The following EDEM1 variants were observed in gnomAD, a reference collection of about 807,000 sequenced individuals.
EDEM1 encodes the protein ER degradation-enhancing alpha-mannosidase-like protein 1.
In EDEM1, 67 loss-of-function variants were observed where a neutral mutation model predicts 74.4. The ratio of observed to expected loss-of-function variants is 0.90; its 90% CI spans 0.74 to 1.10. The LOEUF is 1.10. Ranked by LOEUF, EDEM1 falls within the 50% of genes least tolerant of loss-of-function variation. EDEM1 has a pLI of 0.00. For synonymous variants in EDEM1, 382 were observed against 335.9 expected, an observed-to-expected ratio of 1.14 and a Z score of -1.50; for missense variants, 926 against 851.6, an observed-to-expected ratio of 1.09 and a Z score of -1.09.
chr3:5,188,327 C>A lies in EDEM1; in HGVS notation c.509+13C>A, dbSNP rs754265843. ...ACCGCGGGGACCCGTGAGTAGCCCC[C>A]GCCGCCCGGGGCCGCGCGCCCACGC... On this transcript the variant is annotated intron_variant, in intron 1 of 11. Coordinates refer to ENST00000256497, the MANE Select transcript of EDEM1 (RefSeq NM_014674.3). 33 of 1,446,960 alleles carry A rather than the reference C, an allele frequency of 2.3e-5. No homozygotes were observed. The highest frequency in any genetic ancestry group is 2.9e-5 in the Non-Finnish European group (32 of 1,095,772). The allele number at this position is 1,446,960 out of a possible 1,614,324, so 89.6% of individuals were successfully genotyped here. A position where few individuals can be genotyped will look rare whatever the true frequency, so the allele number is the denominator to read the frequency against.
rs2055245595 is a variant in EDEM1, at chr3:5,217,037, ATTGGTTT to A, written c.*1121_*1127del. ...TACAGGCTTTAGATTAGTGCCTTAT[ATTGGTTT>A]TGGTTTGGGGCACTGGATGTCGCAG... On this transcript the variant is annotated 3_prime_UTR_variant, in exon 12 of 12. Transcript: ENST00000256497. 6.6e-6 allele frequency: 1 copy of A among 152,472 alleles called. No individual in the cohort carries two copies. Among genetic ancestry groups the A allele is most frequent in the African/African-American group, 2.4e-5 (1 of 41,388 alleles). 9.4% of individuals were successfully genotyped at this position (152,472 alleles called of 1,614,324 possible). A position where few individuals can be genotyped will look rare whatever the true frequency, so the allele number is the denominator to read the frequency against.
At chr3:5,196,082 C>T (rs1258614105) in intron 2 of EDEM1, among the ~76,000 whole-genome samples, 2 of 152,202 alleles carry the variant, frequency 1.3e-5, no homozygotes, top group Non-Finnish European at 1.5e-5. Context: ...TATCTTATTG[C>T]AGTCTAGCCC....
intron 11 of EDEM1, among the ~76,000 whole-genome samples, chr3:5,213,851 G>T (rs1370831530): frequency 1.3e-5 from 2 of 152,172 alleles, no homozygotes; most frequent in Non-Finnish European, 1.5e-5. Flanking sequence ...GAGGGAGCCG[G>T]CAGAGTCAAC....
intron 1 of EDEM1, among the ~76,000 whole-genome samples, chr3:5,188,736 C>T (rs984380742): frequency 4.1e-4 from 62 of 152,202 alleles, no homozygotes; most frequent in African/African-American, 1.3e-3. Context: ...CAGAACAAGC[C>T]TTTACCTCGC....
At chr3:5,189,888 C>T (rs563951527) in intron 1 of EDEM1, among the ~76,000 whole-genome samples, 3 of 152,292 alleles carry the variant, frequency 2.0e-5, no homozygotes, top group East Asian at 1.9e-4. Flanking sequence ...CGTGAGCCAC[C>T]GCTCCCGGCC....
chr3:5,195,833 C>T lies in EDEM1; in HGVS notation c.582+552C>T, dbSNP rs192164984. ...TACTGCCTCATCCTGTGGTTTTGCT[C>T]ATTGACTCTGGAGAACTAGAGGCCT... On this transcript the variant is annotated intron_variant, in intron 2 of 11. Coordinates refer to ENST00000256497, the MANE Select transcript of EDEM1 (RefSeq NM_014674.3). Among the ~76,000 whole-genome samples, 208 of 152,372 alleles carry T rather than the reference C, an allele frequency of 1.4e-3. 1 individual carries two copies. The highest frequency in any genetic ancestry group is 4.9e-3 in the African/African-American group (203 of 41,594).
chr3:5,198,211 C>G (rs2054993134), intron 2 of EDEM1, among the ~76,000 whole-genome samples: 1 of 152,046 alleles, frequency 6.6e-6, no homozygotes, highest in African/African-American at 2.4e-5. Context: ...CCACGCCTGG[C>G]TAATTTTTTG....
At position 5,217,489 on chromosome 3, in the gene EDEM1, T is replaced by G. The variant is rs2055254288; in HGVS notation, c.*1571T>G. The G allele has an allele frequency of 2.6e-5, 4 of 152,656 alleles. No homozygotes were observed. The highest frequency in any genetic ancestry group is 1.3e-4 in the Admixed American group (2 of 15,284). The allele number at this position is 152,656 out of a possible 1,614,324, so 9.5% of individuals were successfully genotyped here. A position where few individuals can be genotyped will look rare whatever the true frequency, so the allele number is the denominator to read the frequency against. ...AGCACTGTCTAAGTTTATGTTGCAT[T>G]TTTAGTCAAAAGGGAGAAATCTTAT... On this transcript the variant is annotated 3_prime_UTR_variant, in exon 12 of 12. Coordinates refer to ENST00000256497, the MANE Select transcript of EDEM1 (RefSeq NM_014674.3).
intron 2 of EDEM1, among the ~76,000 whole-genome samples, chr3:5,198,687 A>ATTTTTTTTTT (rs2055000013): frequency 1.3e-5 from 1 of 74,634 alleles, no homozygotes; most frequent in African/African-American, 5.1e-5. Context: ...TTTTTTTTGA[A>ATTTTTTTTTT]TCTTTGTAGC....
chr3:5,211,651 TGA>T (rs199900655), intron 10 of EDEM1, among the ~76,000 whole-genome samples: 2,229 of 98,310 alleles, frequency 0.023, 44 homozygotes, highest in African/African-American at 0.07. Flanking sequence ...CATGAGTGAG[TGA>T]GTGTGTGTGT....
intron 1 of EDEM1, among the ~76,000 whole-genome samples, chr3:5,192,775 C>T (rs2054916602): frequency 6.6e-6 from 1 of 152,058 alleles, no homozygotes; most frequent in African/African-American, 2.4e-5. Context: ...CCACTTCCCC[C>T]TTATTTTGGC....
At chr3:5,215,141 G>A (rs2055217074) in intron 11 of EDEM1, among the ~76,000 whole-genome samples, 1 of 152,100 alleles carries the variant, frequency 6.6e-6, no homozygotes, top group Admixed American at 6.5e-5. Flanking sequence ...ATGAGGAGCA[G>A]GGTGTAGTAA....
Position 5,201,777 on chromosome 3 carries a change from T to C in EDEM1, c.711T>C (p.Ala237=). The C allele has an allele frequency of 6.2e-6, 10 of 1,614,174 alleles. No individual in the cohort carries two copies. The highest frequency in any genetic ancestry group is 8.5e-6 in the Non-Finnish European group (10 of 1,180,032). Residue 237 remains alanine (A), a synonymous_variant, in exon 4 of 12, where the codon GCT becomes GCC. Transcript: ENST00000256497. ...GGGTCCTGGGAAGCCTCCTTTCTGC[T>C]CACAGAATAATAACTGACTCCAAGC... ...TIRVLGSLLS[A]HRIITDSKQP...
intron 10 of EDEM1, among the ~76,000 whole-genome samples, chr3:5,211,802 C>G (rs981271490): frequency 3.3e-5 from 5 of 152,170 alleles, no homozygotes; most frequent in African/African-American, 1.2e-4. Context: ...GCGACTTGCT[C>G]AAAGTATGGC....
Position 5,199,650 on chromosome 3 carries a change from C to G in EDEM1, c.641C>G (p.Ser214Ter). ...GTCAAGTTAGTGATCAACACAGTTT[C>G]ATTTGACAAAGATTCCACCGTCCAA... ...KAVKLVINTVSFDKDSTVQVF... is the reference protein window; with the variant it reads ...KAVKLVINTV Residue 214 changes from serine (S) to a stop codon, truncating the protein, a stop_gained, in exon 3 of 12, where the codon TCA becomes TGA. Transcript: ENST00000256497. LOFTEE classifies it high-confidence loss of function. 1.2e-6 allele frequency: 2 copies of G among 1,613,862 alleles called. No homozygotes were observed. Among genetic ancestry groups the G allele is most frequent in the Non-Finnish European group, 1.7e-6 (2 of 1,179,864 alleles).
intron 8 of EDEM1, among the ~76,000 whole-genome samples, chr3:5,208,781 A>G (rs1442626508): frequency 2.6e-5 from 4 of 151,848 alleles, no homozygotes; most frequent in Non-Finnish European, 5.9e-5. Flanking sequence ...ACACACACAC[A>G]CACACACATA....
At chr3:5,208,383 G>A in intron 8 of EDEM1, 120 bp downstream of exon 8, 1 of 1,205,692 alleles carries the variant, frequency 8.3e-7, no homozygotes, top group Non-Finnish European at 1.2e-6. Flanking sequence ...GACTCTGATT[G>A]AGTTACCCCC....
rs960043899 is a variant in EDEM1 at position 5,217,619 on chromosome 3, C to T, written c.*1701C>T. ...AAACGTGCCATCTCTATCTCTTAAA[C>T]ATTTATTACAACAATTGTTTTAAAA... On this transcript the variant is annotated 3_prime_UTR_variant, in exon 12 of 12. Transcript: ENST00000256497. The T allele has an allele frequency of 4.6e-5, 7 of 152,558 alleles. No individual in the cohort carries two copies. The highest frequency in any genetic ancestry group is 1.7e-4 in the African/African-American group (7 of 41,434). 9.5% of individuals were successfully genotyped at this position (152,558 alleles called of 1,614,324 possible).
At position 5,207,137 on chromosome 3, in the gene EDEM1, C is replaced by T. The variant is rs1169811581; in HGVS notation, c.1218-16C>T. 6.2e-7 allele frequency: 1 copy of T among 1,613,524 alleles called. No homozygotes were observed. Among genetic ancestry groups the T allele is most frequent in the African/African-American group, 1.3e-5 (1 of 75,016 alleles). The stretch of plus-strand genomic sequence containing the variant: ...AGCTTTCTTTTCACCACTGAATGTG[C>T]TGCTTGGGTTTGCAGGCGGGAAGCC... On this transcript the variant is annotated splice_polypyrimidine_tract_variant and intron_variant, in intron 6 of 11. Coordinates refer to ENST00000256497, the MANE Select transcript of EDEM1 (RefSeq NM_014674.3).
Sources: gnomAD v4.1 joint callset for allele counts (sites outside exome capture counted in the v4.1 genomes callset) on GRCh38, gnomAD v4.1.1 for gene constraint, MANE v1.5 for transcripts, NCBI Gene and HGNC (gene_info 2026-07-23, HGNC 2026-07-21) for gene names.